RLF: variants seen among roughly 807,000 people sequenced by gnomAD.
RLF encodes RLF zinc finger, also known as zinc finger protein Rlf.
RLF carries 7 observed loss-of-function variants against 162.9 expected under a neutral mutation model. That is an observed-to-expected ratio of 0.04 (90% CI 0.02 to 0.08). The LOEUF (loss-of-function observed/expected upper bound fraction) is 0.08. RLF is among the 10% of genes least tolerant of loss of function. The probability of loss-of-function intolerance (pLI) is 1.00; values close to 1 mark genes in which losing one functional copy is unlikely to be tolerated. For missense variants in RLF, 1,664 were observed against 2,244.7 expected, an observed-to-expected ratio of 0.74 and a Z score of 5.23; for synonymous variants, 782 against 791.5, an observed-to-expected ratio of 0.99 and a Z score of 0.20.
intron 4 of RLF, among the ~76,000 whole-genome samples, chr1:40,200,129 T>A (rs1289905553): frequency 6.6e-6 from 1 of 152,132 alleles, no homozygotes; most frequent in Non-Finnish European, 1.5e-5. Context: ...TCTATGGAAT[T>A]TAAAACCAAA....
At chr1:40,221,827 A>G (rs1570555485) in intron 5 of RLF, among the ~76,000 whole-genome samples, 8 of 145,258 alleles carry the variant, frequency 5.5e-5, no homozygotes. Flanking sequence ...TTGAACCCGG[A>G]AGTCGGAGGT....
chr1:40,196,078 CTT>C (rs1048689494), intron 4 of RLF, among the ~76,000 whole-genome samples: 1 of 145,316 alleles, frequency 6.9e-6, no homozygotes. Context: ...CTTTTCTTTT[CTT>C]TTTTTTTTTT....
At chr1:40,189,279 T>C in intron 2 of RLF, 70 bp downstream of exon 2, 1 of 1,276,216 alleles carries the variant, frequency 7.8e-7, no homozygotes, top group Non-Finnish European at 1.1e-6. Flanking sequence ...TGGTTTCTCT[T>C]TACAGTGGCA....
intron 5 of RLF, among the ~76,000 whole-genome samples, chr1:40,213,075 T>G (rs2124548457): frequency 6.6e-6 from 1 of 152,354 alleles, no homozygotes; most frequent in East Asian, 1.9e-4. Flanking sequence ...ATACTTCTAC[T>G]TTATCCTTGT....
Position 40,239,983 on chromosome 1 carries a change from T to G in RLF, c.5281T>G (p.Leu1761Val). 6.2e-7 allele frequency: 1 copy of G among 1,613,890 alleles called. No individual in the cohort carries two copies. Among genetic ancestry groups the G allele is most frequent in the Non-Finnish European group, 8.5e-7 (1 of 1,180,014 alleles). ...RKHSQPRSFD[L>V]KTYKPMGFES... ...ACATTCACAGCCCCGGTCATTTGAT[T>G]TGAAGACTTACAAACCTATGGGATT... The change falls in exon 8 of 8, where the codon TTG (leucine) becomes GTG (valine). Residue 1761 changes from leucine to valine, a missense_variant. By Grantham distance (32) the Leu-to-Val change is conservative. Coordinates refer to ENST00000372771, the MANE Select transcript of RLF (RefSeq NM_012421.4).
intron 5 of RLF, among the ~76,000 whole-genome samples, chr1:40,212,194 G>A (rs1642873597): frequency 6.6e-6 from 1 of 152,170 alleles, no homozygotes; most frequent in Non-Finnish European, 1.5e-5. Flanking sequence ...CCCAATAATA[G>A]GCATATGTAA....
intron 1 of RLF, among the ~76,000 whole-genome samples, chr1:40,168,442 C>T (rs932788830): frequency 1.5e-4 from 23 of 152,028 alleles, no homozygotes; most frequent in African/African-American, 4.6e-4. Context: ...GATGGGGTTT[C>T]GCCATGTTGG....
intron 1 of RLF, among the ~76,000 whole-genome samples, chr1:40,163,917 TTGA>T (rs1346627197): frequency 2.0e-5 from 3 of 152,240 alleles, no homozygotes; most frequent in African/African-American, 4.8e-5. Flanking sequence ...AACTGTGTCC[TTGA>T]TGACCAGATA....
chr1:40,174,484 G>A (rs928985666), intron 1 of RLF, among the ~76,000 whole-genome samples: 1 of 152,146 alleles, frequency 6.6e-6, no homozygotes, highest in Non-Finnish European at 1.5e-5. Flanking sequence ...CTCCCTAAAT[G>A]AGATGCTCTT....
At chr1:40,196,045 T>G (rs944576967) in intron 4 of RLF, among the ~76,000 whole-genome samples, 2 of 152,110 alleles carry the variant, frequency 1.3e-5, no homozygotes, top group Non-Finnish European at 2.9e-5. Context: ...TAATCTTTGG[T>G]GTGTGGTAGA....
intron 1 of RLF, among the ~76,000 whole-genome samples, chr1:40,184,242 C>T (rs1274455299): frequency 1.3e-5 from 2 of 151,976 alleles, no homozygotes; most frequent in Non-Finnish European, 2.9e-5. Flanking sequence ...AGTCATTTTC[C>T]CCTTGGACAT....
At chr1:40,211,927 C>G (rs566494599) in intron 5 of RLF, among the ~76,000 whole-genome samples, 3 of 152,222 alleles carry the variant, frequency 2.0e-5, no homozygotes, top group Non-Finnish European at 4.4e-5. Context: ...TCACGCCCAG[C>G]CACTAGTCAG....
In RLF at chr1:40,173,039, T is replaced by C. The variant is rs192591640; in HGVS notation, c.237+11403T>C. Among the ~76,000 whole-genome samples, 141 of 152,232 alleles carry C rather than the reference T, an allele frequency of 9.3e-4. 2 individuals carry two copies. Among genetic ancestry groups the C allele is most frequent in the Admixed American group, 8.2e-3 (125 of 15,282 alleles). ...AATCTGATAGGAAAGAATTATCAGA[T>C]TGTTACACTAATTTGCATTTTAGTA... On this transcript the variant is annotated intron_variant, in intron 1 of 7. Coordinates refer to ENST00000372771, the MANE Select transcript of RLF (RefSeq NM_012421.4).
At chr1:40,199,593 T>G (rs1642682880) in intron 4 of RLF, among the ~76,000 whole-genome samples, 1 of 152,220 alleles carries the variant, frequency 6.6e-6, no homozygotes, top group Non-Finnish European at 1.5e-5. Flanking sequence ...GTTTGTACAC[T>G]ATAATCCCTT....
intron 1 of RLF, among the ~76,000 whole-genome samples, chr1:40,177,424 G>C (rs554885694): frequency 1.3e-5 from 2 of 151,744 alleles, no homozygotes; most frequent in South Asian, 2.1e-4. Context: ...CAAGTAGCTG[G>C]GACTACAGGC....
intron 5 of RLF, among the ~76,000 whole-genome samples, chr1:40,219,675 G>A (rs1214185595): frequency 1.3e-5 from 2 of 152,188 alleles, no homozygotes; most frequent in African/African-American, 2.4e-5. Context: ...ATGAAAATGT[G>A]TGTGTGAGAT....
chr1:40,209,007 GT>G, intron 5 of RLF, among the ~76,000 whole-genome samples: 1 of 152,262 alleles, frequency 6.6e-6, no homozygotes, highest in East Asian at 1.9e-4. Flanking sequence ...CCAACTCACT[GT>G]CACTGCCAAC....
Position 40,173,073 on chromosome 1 carries a change from G to GTTTTTTTTTTTTTTT in RLF, c.237+11441_237+11455dup, listed in dbSNP as rs765020752. On this transcript the variant is annotated intron_variant, in intron 1 of 7. Coordinates refer to ENST00000372771, the MANE Select transcript of RLF (RefSeq NM_012421.4). ...TAATTTGCATTTTAGTAACATTCAGGTTTTTTTTTTTTTTTTTTGTGAGGC... is the reference window on the plus strand; with the variant it reads ...TAATTTGCATTTTAGTAACATTCAGGTTTTTTTTTTTTTTTTTTTTTTTTTTTTTTTTTGTGAGGC... Among the ~76,000 whole-genome samples the GTTTTTTTTTTTTTTT allele has an allele frequency of 1.7e-3, 218 of 128,948 alleles. 9 individuals are homozygous for GTTTTTTTTTTTTTTT. Among genetic ancestry groups the GTTTTTTTTTTTTTTT allele is most frequent in the African/African-American group, 6.8e-3 (212 of 31,188 alleles). The allele number at this position is 128,948 out of a possible 152,430, so 84.6% of individuals were successfully genotyped here. A position where few individuals can be genotyped will look rare whatever the true frequency, so the allele number is the denominator to read the frequency against.
chr1:40,235,310 C>T (rs1448043065), intron 7 of RLF, among the ~76,000 whole-genome samples: 2 of 152,094 alleles, frequency 1.3e-5, no homozygotes, highest in Non-Finnish European at 2.9e-5. Context: ...GCCTCGGCCT[C>T]CCAAAGTGCT....
Sources: gnomAD v4.1 joint callset for allele counts (sites outside exome capture counted in the v4.1 genomes callset) on GRCh38, gnomAD v4.1.1 for gene constraint, MANE v1.5 for transcripts, NCBI Gene and HGNC (gene_info 2026-07-23, HGNC 2026-07-21) for gene names.